Variants in SPAG16 observed in about 807,000 individuals in gnomAD.
SPAG16 encodes sperm associated antigen 16.
SPAG16 carries 86 observed loss-of-function variants against 80.4 expected under a neutral mutation model. The ratio of observed to expected loss-of-function variants is 1.07; its 90% CI spans 0.90 to 1.28. The LOEUF (loss-of-function observed/expected upper bound fraction) is 1.28, where lower values mean the gene tolerates loss of function less well. Ranked by LOEUF, SPAG16 falls within the 50% of genes most tolerant of loss-of-function variation. The pLI is 0.00. For synonymous variants in SPAG16, 294 were observed against 265.9 expected, an observed-to-expected ratio of 1.11 and a Z score of -1.03; for missense variants, 870 against 765.3, an observed-to-expected ratio of 1.14 and a Z score of -1.61.
At chr2:213,898,071 C>G (rs1043924308) in intron 11 of SPAG16, among the ~76,000 whole-genome samples, 1 of 151,982 alleles carries the variant, frequency 6.6e-6, no homozygotes, top group African/African-American at 2.4e-5. Context: ...TTTGATCTAC[C>G]CTATAGAATC....
chr2:213,392,528 G>A (rs1475141558), intron 9 of SPAG16, among the ~76,000 whole-genome samples: 1 of 152,058 alleles, frequency 6.6e-6, no homozygotes, highest in East Asian at 1.9e-4. Flanking sequence ...ATATGCAAAT[G>A]GGAATTTTAA....
At chr2:214,378,993 C>T (rs1465944619) in intron 15 of SPAG16, among the ~76,000 whole-genome samples, 1 of 152,160 alleles carries the variant, frequency 6.6e-6, no homozygotes, top group Admixed American at 6.5e-5. Flanking sequence ...GGAATGGCAA[C>T]GTGCCCAGCA....
In SPAG16 at chr2:213,740,610, A is replaced by G. The variant is rs541307968; in HGVS notation, c.1071-121875A>G. On this transcript the variant is annotated intron_variant, in intron 10 of 15. Coordinates refer to ENST00000331683, the MANE Select transcript of SPAG16 (RefSeq NM_024532.5). Reference sequence around the variant, plus strand: ...AAACTCCAGGGGGAAGTCCCGTATCAGCAAGGCATCATATGCCACAGACTT... The same window carrying G: ...AAACTCCAGGGGGAAGTCCCGTATCGGCAAGGCATCATATGCCACAGACTT... Among the ~76,000 whole-genome samples the G allele has an allele frequency of 3.9e-5, 6 of 152,376 alleles. No homozygotes were observed. The South Asian group carries it at 6.2e-4, about 16-fold the overall frequency.
intron 15 of SPAG16, among the ~76,000 whole-genome samples, chr2:214,198,254 TC>T (rs993298953): frequency 9.9e-5 from 15 of 151,782 alleles, no homozygotes; most frequent in African/African-American, 3.4e-4. Flanking sequence ...CTCCTACCCT[TC>T]CCCCACCCAC....
intron 10 of SPAG16, among the ~76,000 whole-genome samples, chr2:213,628,894 A>G (rs1422191181): frequency 6.6e-6 from 1 of 152,160 alleles, no homozygotes; most frequent in African/African-American, 2.4e-5. Flanking sequence ...TGTGTCTGTT[A>G]AGCGTGTTGT....
intron 12 of SPAG16, among the ~76,000 whole-genome samples, chr2:214,009,510 T>A (rs1191211577): frequency 6.6e-6 from 1 of 152,202 alleles, no homozygotes. Context: ...AGAAACTGGT[T>A]ACTTTATCAC....
At chr2:213,520,720 CA>C (rs1300700283) in intron 10 of SPAG16, among the ~76,000 whole-genome samples, 2 of 152,280 alleles carry the variant, frequency 1.3e-5, no homozygotes, top group East Asian at 3.9e-4. Flanking sequence ...AAAATCTTTC[CA>C]AAAAATACAA....
At chr2:214,169,165 G>A (rs1014529254) in intron 15 of SPAG16, among the ~76,000 whole-genome samples, 4 of 152,026 alleles carry the variant, frequency 2.6e-5, no homozygotes, top group Admixed American at 2.0e-4. Flanking sequence ...TAATCCTTGA[G>A]TATTCATAAT....
At chr2:213,467,613 G>A (rs1391044792) in intron 9 of SPAG16, among the ~76,000 whole-genome samples, 1 of 152,228 alleles carries the variant, frequency 6.6e-6, no homozygotes, top group African/African-American at 2.4e-5. Context: ...GTATCCAAGA[G>A]GAGGTTCACT....
At chr2:213,668,621 G>A (rs747109894) in intron 10 of SPAG16, among the ~76,000 whole-genome samples, 4 of 150,904 alleles carry the variant, frequency 2.7e-5, no homozygotes, top group Non-Finnish European at 4.4e-5. Flanking sequence ...ATATAATAGT[G>A]TTTTTTTGTT....
At chr2:213,686,551 C>A (rs1175337561) in intron 10 of SPAG16, among the ~76,000 whole-genome samples, 3 of 152,086 alleles carry the variant, frequency 2.0e-5, no homozygotes, top group African/African-American at 7.2e-5. Context: ...AGGGAGTTCC[C>A]TGCAGACAGC....
intron 9 of SPAG16, among the ~76,000 whole-genome samples, chr2:213,471,211 T>C (rs868602945): frequency 7.2e-5 from 11 of 152,264 alleles, no homozygotes; most frequent in African/African-American, 2.4e-4. Context: ...TGATCATAGG[T>C]AACTCCCCAT....
intron 10 of SPAG16, among the ~76,000 whole-genome samples, chr2:213,835,783 TA>T (rs1178022616): frequency 6.6e-6 from 1 of 152,192 alleles, no homozygotes; most frequent in Non-Finnish European, 1.5e-5. Flanking sequence ...AACCCATAAC[TA>T]TGTGAATAGT....
intron 9 of SPAG16, among the ~76,000 whole-genome samples, chr2:213,395,730 C>A (rs553314871): frequency 6.6e-6 from 1 of 152,270 alleles, no homozygotes; most frequent in East Asian, 1.9e-4. Context: ...CTTAGATTGT[C>A]TCTTGCATCA....
At chr2:213,949,748 G>A (rs1265665664) in intron 12 of SPAG16, among the ~76,000 whole-genome samples, 1 of 152,116 alleles carries the variant, frequency 6.6e-6, no homozygotes, top group African/African-American at 2.4e-5. Context: ...GCACATTTTA[G>A]TCTGACAAAA....
intron 15 of SPAG16, among the ~76,000 whole-genome samples, chr2:214,346,075 A>G (rs1195108426): frequency 1.3e-5 from 2 of 152,232 alleles, no homozygotes; most frequent in Non-Finnish European, 2.9e-5. Flanking sequence ...AATTTTTCTC[A>G]TAGAGTACGT....
chr2:213,719,063 G>A (rs976134043), intron 10 of SPAG16, among the ~76,000 whole-genome samples: 7 of 146,496 alleles, frequency 4.8e-5, no homozygotes, highest in African/African-American at 1.5e-4. Context: ...GGCGACACTC[G>A]GTATCTAGCT....
In SPAG16 at chr2:213,937,079, G is replaced by T. The variant is rs181299610; in HGVS notation, c.1400+6934G>T. On this transcript the variant is annotated intron_variant, in intron 12 of 15. Transcript: ENST00000331683. ...CATGAAAGTGGACTCTAAAATAAAAGAAATTTTCTTATTACAAAACCAATA... is the reference window on the plus strand; with the variant it reads ...CATGAAAGTGGACTCTAAAATAAAATAAATTTTCTTATTACAAAACCAATA... Among the ~76,000 whole-genome samples the T allele has an allele frequency of 2.9e-4, 44 of 152,134 alleles. No homozygotes were observed. The East Asian group carries it at 7.9e-3, about 27-fold the overall frequency.
At chr2:213,872,239 G>T (rs566728405) in intron 11 of SPAG16, among the ~76,000 whole-genome samples, 4 of 152,104 alleles carry the variant, frequency 2.6e-5, no homozygotes, top group Admixed American at 6.6e-5. Flanking sequence ...CCCCTAGAGA[G>T]ACAAGAGAGA....
Sources: allele counts gnomAD v4.1 joint callset (sites outside exome capture counted in the v4.1 genomes callset), GRCh38; gene constraint gnomAD v4.1.1; transcripts MANE v1.5; gene names NCBI Gene and HGNC (gene_info 2026-07-23, HGNC 2026-07-21).